The following P2RY8 variants were observed in gnomAD, a reference collection of about 807,000 sequenced individuals.
P2RY8 encodes the protein P2Y receptor family member 8.
Under a neutral mutation model 10.0 loss-of-function variants are expected in P2RY8, and 6 were observed. That is an observed-to-expected ratio of 0.60 (90% CI 0.33 to 1.19). P2RY8 has a LOEUF of 1.19. P2RY8 is among the 50% of genes most tolerant of loss of function. P2RY8 has a pLI of 0.04. For missense variants in P2RY8, 456 were observed against 542.0 expected, an observed-to-expected ratio of 0.84 and a Z score of 1.58; for synonymous variants, 276 against 252.5, an observed-to-expected ratio of 1.09 and a Z score of -0.88.
chrX:1,497,663 A>G (rs1316009209), intron 1 of P2RY8, among the ~76,000 whole-genome samples: 1 of 152,084 alleles, frequency 6.6e-6, no homozygotes. Flanking sequence ...CTCAAAATAA[A>G]TAAATAAATA....
intron 1 of P2RY8, among the ~76,000 whole-genome samples, chrX:1,493,728 C>G (rs1343793042): frequency 2.0e-5 from 3 of 152,168 alleles, no homozygotes; most frequent in Non-Finnish European, 4.4e-5. Context: ...GCCTGTACCC[C>G]TCGTCAAAGG....
rs1234175833 is a variant in P2RY8 at position 1,471,076 on chromosome X, C to T, written c.-24-4494G>A. On this transcript the variant is annotated intron_variant, in intron 1 of 1. Coordinates refer to ENST00000381297, the MANE Select transcript of P2RY8 (RefSeq NM_178129.5). ...AGGCTGGAGTGCAATGGTGTGATCT[C>T]GGCTCTCGGCAACCTCCGCTTCCCC... 6.0e-5 allele frequency among the ~76,000 whole-genome samples: 9 copies of T among 150,210 alleles called. No individual in the cohort carries two copies. The South Asian group carries it at 6.4e-4, about 11-fold the overall frequency.
chrX:1,488,120 AAG>A lies in P2RY8; in HGVS notation c.-24-21540_-24-21539del, dbSNP rs201797538. 4.7e-3 allele frequency among the ~76,000 whole-genome samples: 671 copies of A among 141,852 alleles called. 9 individuals carry two copies. The highest frequency in any genetic ancestry group is 0.014 in the African/African-American group (586 of 40,820). 93.1% of individuals were successfully genotyped at this position (141,852 alleles called of 152,430 possible). ...AGCAAAACTCTGTCTAAAAAAAAAA[AAG>A]AAGAAGAAGAGAAGTGGGTCTCAAC... is the stretch of plus-strand genomic sequence containing the variant. On this transcript the variant is annotated intron_variant, in intron 1 of 1. Coordinates refer to ENST00000381297, the MANE Select transcript of P2RY8 (RefSeq NM_178129.5).
chrX:1,533,107 G>A (rs1439161507), intron 1 of P2RY8, among the ~76,000 whole-genome samples: 17 of 150,314 alleles, frequency 1.1e-4, no homozygotes, highest in Admixed American at 1.1e-3. Flanking sequence ...AGAGGATGAG[G>A]GATAAAAGGC....
At chrX:1,535,321 G>A (rs1434477889) in intron 1 of P2RY8, among the ~76,000 whole-genome samples, 4 of 148,962 alleles carry the variant, frequency 2.7e-5, no homozygotes, top group African/African-American at 9.9e-5. Context: ...CCGAGTAACT[G>A]GGATGACAGG....
intron 1 of P2RY8, among the ~76,000 whole-genome samples, chrX:1,499,163 C>CTTTT (rs1163119480): frequency 1.2e-4 from 6 of 48,436 alleles, no homozygotes; most frequent in Non-Finnish European, 2.7e-4. Context: ...TTTTTCTTTT[C>CTTTT]TTTTTTTTTT....
chrX:1,481,905 C>T (rs185620964), intron 1 of P2RY8, among the ~76,000 whole-genome samples: 19 of 152,254 alleles, frequency 1.2e-4, no homozygotes, highest in African/African-American at 4.6e-4. Context: ...CTGAGCTCTG[C>T]CGCTGTGTGT....
intron 1 of P2RY8, among the ~76,000 whole-genome samples, chrX:1,480,361 G>C (rs1221672500): frequency 6.7e-6 from 1 of 149,048 alleles, no homozygotes; most frequent in Non-Finnish European, 1.5e-5. Context: ...GCAGTGGCAC[G>C]ACCTTGGCTC....
intron 1 of P2RY8, among the ~76,000 whole-genome samples, chrX:1,498,835 G>T (rs2149396363): frequency 6.7e-6 from 1 of 148,484 alleles, no homozygotes; most frequent in South Asian, 2.2e-4. Flanking sequence ...ACCGCACCTG[G>T]CCCTCTGTTA....
chrX:1,515,688 C>T (rs1194347913), intron 1 of P2RY8, among the ~76,000 whole-genome samples: 1 of 151,674 alleles, frequency 6.6e-6, no homozygotes, highest in African/African-American at 2.4e-5. Flanking sequence ...ATATTTTCAT[C>T]ACCCCAAAAA....
intron 1 of P2RY8, among the ~76,000 whole-genome samples, chrX:1,519,319 G>C (rs1290784201): frequency 6.9e-6 from 1 of 144,802 alleles, no homozygotes; most frequent in Non-Finnish European, 1.5e-5. Context: ...TATCTCCTTG[G>C]TCCCTAATAA....
intron 1 of P2RY8, among the ~76,000 whole-genome samples, chrX:1,526,923 C>T (rs73186956): frequency 0.098 from 14,839 of 152,120 alleles, 824 homozygotes; most frequent in African/African-American, 0.12. Flanking sequence ...GACCGAGTTT[C>T]ACTCCTGTTG....
chrX:1,473,998 A>C (rs375914721), intron 1 of P2RY8, among the ~76,000 whole-genome samples: 1 of 121,572 alleles, frequency 8.2e-6, no homozygotes, highest in African/African-American at 3.1e-5. Flanking sequence ...TGCATGGATG[A>C]GTGGATGGAT....
At chrX:1,471,981 C>A (rs1372356229) in intron 1 of P2RY8, among the ~76,000 whole-genome samples, 1 of 152,056 alleles carries the variant, frequency 6.6e-6, no homozygotes, top group African/African-American at 2.4e-5. Flanking sequence ...TTTGCACCAC[C>A]CAGTTTGTGG....
chrX:1,488,069 C>T (rs1221452239), intron 1 of P2RY8, among the ~76,000 whole-genome samples: 2 of 151,720 alleles, frequency 1.3e-5, no homozygotes, highest in Admixed American at 6.6e-5. Flanking sequence ...AAGATCGTGC[C>T]GCTGCACTCC....
At chrX:1,509,161 T>TCTATCTA (rs2092269272) in intron 1 of P2RY8, among the ~76,000 whole-genome samples, 3 of 144,538 alleles carry the variant, frequency 2.1e-5, no homozygotes, top group East Asian at 2.0e-4. Context: ...TATCCATCCA[T>TCTATCTA]TCTATCTATC....
chrX:1,466,271 G>A lies in P2RY8; in HGVS notation c.288C>T (p.Cys96=), dbSNP rs1359602987. Residue 96 remains cysteine (C), a synonymous_variant, in exon 2 of 2, where the codon TGC becomes TGT. Transcript: ENST00000381297. ...CGTAAAAGGCCACGGTCACCACGTT[G>A]CAAAGCAGCACCCCGAATACCCAGT... ...RHHWVFGVLL[C]NVVTVAFYAN... 3.1e-6 allele frequency: 5 copies of A among 1,613,922 alleles called. No homozygotes were observed. Among genetic ancestry groups the A allele is most frequent in the Non-Finnish European group, 3.4e-6 (4 of 1,179,862 alleles).
intron 1 of P2RY8, among the ~76,000 whole-genome samples, chrX:1,478,363 TA>T (rs1218477187): frequency 6.6e-6 from 1 of 151,908 alleles, no homozygotes; most frequent in Non-Finnish European, 1.5e-5. Flanking sequence ...AGACTGTAGA[TA>T]AGAGATTGCA....
At chrX:1,496,130 T>G (rs1325512634) in intron 1 of P2RY8, among the ~76,000 whole-genome samples, 2 of 152,110 alleles carry the variant, frequency 1.3e-5, no homozygotes, top group African/African-American at 4.8e-5. Flanking sequence ...TCTGAAGCAG[T>G]TGGGAGAAGG....
Sources: allele counts gnomAD v4.1 joint callset (sites outside exome capture counted in the v4.1 genomes callset), GRCh38; gene constraint gnomAD v4.1.1; transcripts MANE v1.5; gene names NCBI Gene and HGNC (gene_info 2026-07-23, HGNC 2026-07-21).